Variants in DESI2 observed in about 807,000 individuals in gnomAD.
DESI2 encodes deubiquitinase DESI2.
Under a neutral mutation model 24.1 loss-of-function variants are expected in DESI2, and 10 were observed. That is an observed-to-expected ratio of 0.41 (90% CI 0.26 to 0.70). The LOEUF is 0.70. Ranked by LOEUF, DESI2 falls within the 30% of genes least tolerant of loss-of-function variation. DESI2 has a pLI of 0.29. For missense variants in DESI2, 122 were observed against 234.9 expected (o/e 0.52, Z 3.14); for synonymous variants, 71 against 87.7 (o/e 0.81, Z 1.06).
At chr1:244,684,976 T>G (rs1040249002) in intron 1 of DESI2, among the ~76,000 whole-genome samples, 1 of 152,202 alleles carries the variant, frequency 6.6e-6, no homozygotes, top group African/African-American at 2.4e-5. Context: ...AAATGTAGCC[T>G]TCGTTTCCTA....
At chr1:244,661,524 A>AG (rs1448265655) in intron 1 of DESI2, among the ~76,000 whole-genome samples, 1 of 151,966 alleles carries the variant, frequency 6.6e-6, no homozygotes, top group African/African-American at 2.4e-5. Context: ...CTCATCATTC[A>AG]CATTAGGTAT....
At chr1:244,694,389 T>C in intron 4 of DESI2, 1 of 650,928 alleles carries the variant, frequency 1.5e-6, no homozygotes, top group East Asian at 3.3e-5. Context: ...ATTTTTTTTT[T>C]TAAACCGGAA....
At chr1:244,661,432 T>A (rs2148782384) in intron 1 of DESI2, among the ~76,000 whole-genome samples, 1 of 152,260 alleles carries the variant, frequency 6.6e-6, no homozygotes, top group South Asian at 2.1e-4. Flanking sequence ...TATTATACTT[T>A]AAGTTCTAGG....
chr1:244,671,438 C>T lies in DESI2; in HGVS notation c.43-15159C>T, dbSNP rs1676242057. On this transcript the variant is annotated intron_variant, in intron 1 of 4. Coordinates refer to ENST00000302550, the MANE Select transcript of DESI2 (RefSeq NM_016076.5). Reference sequence around the variant, plus strand: ...TAACTCTTCATCCCACCTTCGGCAGCTGCCTGAGAGCAATAGTTCTTTAAC... The same window carrying T: ...TAACTCTTCATCCCACCTTCGGCAGTTGCCTGAGAGCAATAGTTCTTTAAC... Among the ~76,000 whole-genome samples the T allele has an allele frequency of 2.0e-5, 3 of 152,322 alleles. No homozygotes were observed. The South Asian group carries it at 6.2e-4, about 32-fold the overall frequency.
intron 1 of DESI2, among the ~76,000 whole-genome samples, chr1:244,661,769 A>G (rs1265120828): frequency 6.6e-6 from 1 of 152,220 alleles, no homozygotes; most frequent in East Asian, 1.9e-4. Flanking sequence ...ATAGTATTCC[A>G]TGATGTGTAT....
At position 244,653,795 on chromosome 1, in the gene DESI2, C is replaced by T. The variant is rs186128266; in HGVS notation, c.42+440C>T. 7.1e-5 allele frequency: 26 copies of T among 368,404 alleles called. No homozygotes were observed. In the Admixed American group the frequency reaches 8.3e-4, roughly 12 times the overall value. The allele number at this position is 368,404 out of a possible 1,614,324, so 22.8% of individuals were successfully genotyped here. A position where few individuals can be genotyped will look rare whatever the true frequency, so the allele number is the denominator to read the frequency against. ...AACTGTCCGTCTCTCTCCATGGCTA[C>T]GTCTTCAGAAACTCCCAAGCCCCTC... is the stretch of plus-strand genomic sequence containing the variant. On this transcript the variant is annotated intron_variant, in intron 1 of 4. Transcript: ENST00000302550.
At chr1:244,702,665 A>G (rs1351718062) in intron 4 of DESI2, among the ~76,000 whole-genome samples, 1 of 152,240 alleles carries the variant, frequency 6.6e-6, no homozygotes, top group Non-Finnish European at 1.5e-5. Flanking sequence ...TAGGGGATAC[A>G]TAAACCAATA....
At chr1:244,700,273 C>T (rs984447669) in intron 4 of DESI2, among the ~76,000 whole-genome samples, 6 of 152,136 alleles carry the variant, frequency 3.9e-5, no homozygotes, top group Non-Finnish European at 7.3e-5. Context: ...CCCTAGTATT[C>T]TCTAAGTGGT....
intron 4 of DESI2, among the ~76,000 whole-genome samples, chr1:244,703,711 T>C (rs1329572723): frequency 1.3e-5 from 2 of 150,380 alleles, no homozygotes; most frequent in Non-Finnish European, 3.0e-5. Context: ...CCGGCTGGAG[T>C]GCAGTGGTGC....
intron 1 of DESI2, chr1:244,654,114 G>C (rs558534915): frequency 6.3e-5 from 28 of 442,450 alleles, no homozygotes; most frequent in African/African-American, 2.4e-4. Flanking sequence ...CAAGCACGCA[G>C]AATCGAGTCC....
At chr1:244,691,277 G>A (rs993255523) in intron 3 of DESI2, among the ~76,000 whole-genome samples, 20 of 152,296 alleles carry the variant, frequency 1.3e-4, no homozygotes, top group African/African-American at 4.1e-4. Flanking sequence ...TTTTAGAGAC[G>A]GGGGTTTCAC....
intron 1 of DESI2, among the ~76,000 whole-genome samples, chr1:244,681,403 C>T (rs1014309933): frequency 6.6e-6 from 1 of 152,042 alleles, no homozygotes; most frequent in Non-Finnish European, 1.5e-5. Context: ...TATATGTACT[C>T]ACTTGCTCTC....
Position 244,706,264 on chromosome 1 carries a change from A to C in DESI2, c.*475A>C. The C allele has an allele frequency of 6.0e-6, 1 of 165,778 alleles. No homozygotes were observed. Among genetic ancestry groups the C allele is most frequent in the Non-Finnish European group, 1.3e-5 (1 of 76,074 alleles). 10.3% of individuals were successfully genotyped at this position (165,778 alleles called of 1,614,324 possible). ...CACCTGCTTCAGAATGGTCTTTTAG[A>C]TTTGTGTTTGTTTTGTTAAAGTTGT... On this transcript the variant is annotated 3_prime_UTR_variant, in exon 5 of 5. Coordinates refer to ENST00000302550, the MANE Select transcript of DESI2 (RefSeq NM_016076.5).
intron 1 of DESI2, among the ~76,000 whole-genome samples, chr1:244,684,848 T>G (rs1676758743): frequency 6.6e-6 from 1 of 152,224 alleles, no homozygotes; most frequent in South Asian, 2.1e-4. Context: ...TATACTCATA[T>G]CTGAACTTTT....
intron 1 of DESI2, among the ~76,000 whole-genome samples, chr1:244,662,710 C>CG: frequency 6.6e-6 from 1 of 152,224 alleles, no homozygotes; most frequent in Non-Finnish European, 1.5e-5. Context: ...GTATAGTTAC[C>CG]GGTTACTGCA....
intron 1 of DESI2, among the ~76,000 whole-genome samples, chr1:244,659,972 C>T (rs1244337604): frequency 1.3e-5 from 2 of 152,146 alleles, no homozygotes; most frequent in African/African-American, 2.4e-5. Flanking sequence ...AGGGTCCAAG[C>T]GTATTGGTGA....
chr1:244,689,916 A>G lies in DESI2; in HGVS notation c.209+574A>G, dbSNP rs989229194. Among the ~76,000 whole-genome samples the G allele has an allele frequency of 1.3e-5, 2 of 152,228 alleles. No homozygotes were observed. The highest frequency in any genetic ancestry group is 2.9e-5 in the Non-Finnish European group (2 of 68,040). ...AATTAAAAATGTCTTTATTGTCCCA[A>G]TGAAAGGGACACTTTACACGTTTGA... On this transcript the variant is annotated intron_variant, in intron 3 of 4. Transcript: ENST00000302550. The surrounding 1 kb of genome is among the most constrained non-coding windows in gnomAD (Gnocchi z 4.0).
chr1:244,671,177 G>A (rs907832890), intron 1 of DESI2, among the ~76,000 whole-genome samples: 11 of 152,180 alleles, frequency 7.2e-5, no homozygotes, highest in Non-Finnish European at 1.5e-4. Context: ...TGGTATGTTA[G>A]GAAGGGTTTG....
rs377064316 is a variant in DESI2 at position 244,705,732 on chromosome 1, C to T, written c.528C>T (p.Ser176=). ...ELEEAEDAAA[S]ASVASTAAGS... ...AGGAAGCAGAGGATGCTGCCGCATC[C>T]GCTTCCGTGGCAAGCACTGCAGCAG... Residue 176 remains serine, a synonymous_variant, in exon 5 of 5, where the codon TCC becomes TCT. Coordinates refer to ENST00000302550, the MANE Select transcript of DESI2 (RefSeq NM_016076.5). The T allele has an allele frequency of 2.2e-5, 35 of 1,613,636 alleles. No individual in the cohort carries two copies. Among genetic ancestry groups the T allele is most frequent in the Middle Eastern group, 3.3e-4 (2 of 6,080 alleles).
Sources: allele counts gnomAD v4.1 joint callset (sites outside exome capture counted in the v4.1 genomes callset), GRCh38; gene constraint gnomAD v4.1.1; non-coding constraint Gnocchi (gnomAD v3.1); transcripts MANE v1.5; gene names NCBI Gene and HGNC (gene_info 2026-07-23, HGNC 2026-07-21).